Variants in ATG7 observed in about 807,000 individuals in gnomAD.
The protein encoded by ATG7 is ubiquitin-like modifier-activating enzyme ATG7.
ATG7 carries 70 observed loss-of-function variants against 82.4 expected under a neutral mutation model. That is an observed-to-expected ratio of 0.85 (90% CI 0.70 to 1.04). The LOEUF (loss-of-function observed/expected upper bound fraction) is 1.04, where lower values mean the gene tolerates loss of function less well. ATG7 is among the 50% of genes least tolerant of loss of function. ATG7 has a pLI of 0.00. For synonymous variants in ATG7, 287 were observed against 313.0 expected (o/e 0.92, Z 0.88); for missense variants, 792 against 864.3 (o/e 0.92, Z 1.05).
intron 20 of ATG7, among the ~76,000 whole-genome samples, chr3:11,497,997 C>A (rs764671537): frequency 1.8e-4 from 27 of 152,040 alleles, no homozygotes; most frequent in Non-Finnish European, 2.6e-4. Context: ...TTTAATATTT[C>A]TTTGCATCAC....
At chr3:11,467,920 TC>T (rs2087003428) in intron 20 of ATG7, among the ~76,000 whole-genome samples, 1 of 152,216 alleles carries the variant, frequency 6.6e-6, no homozygotes, top group Admixed American at 6.5e-5. Context: ...TAGAAAGAAT[TC>T]CTCCCCCAGT....
chr3:11,546,344 G>T lies in ATG7; in HGVS notation c.2080-8467G>T, dbSNP rs530765378. ...ATGCCACCATGCCCAGCTAAGTTTTGTATTTTTAGTAGAGAGGGGGTTTTG... is the reference window on the plus strand; with the variant it reads ...ATGCCACCATGCCCAGCTAAGTTTTTTATTTTTAGTAGAGAGGGGGTTTTG... On this transcript the variant is annotated intron_variant, in intron 20 of 20. Transcript: ENST00000693202. 3.9e-5 allele frequency among the ~76,000 whole-genome samples: 6 copies of T among 152,004 alleles called. No homozygotes were observed. The South Asian group carries it at 1.2e-3, about 32-fold the overall frequency.
intron 20 of ATG7, among the ~76,000 whole-genome samples, chr3:11,460,816 C>T (rs1009083909): frequency 1.3e-5 from 2 of 152,150 alleles, no homozygotes; most frequent in African/African-American, 2.4e-5. Flanking sequence ...CTGTCTATGC[C>T]TGGTAAGGGC....
At chr3:11,567,503 AG>A in the ATG7 span, among the ~76,000 whole-genome samples, 1 of 152,246 alleles carries the variant, frequency 6.6e-6, no homozygotes, top group African/African-American at 2.4e-5. Flanking sequence ...TCTAGATAGT[AG>A]GTTCCATCCA....
At chr3:11,524,068 G>C (rs1332596629) in intron 20 of ATG7, among the ~76,000 whole-genome samples, 1 of 152,226 alleles carries the variant, frequency 6.6e-6, no homozygotes, top group East Asian at 1.9e-4. Flanking sequence ...GGCCAAAACA[G>C]ACAAAACAAT....
At chr3:11,359,369 A>G (rs905372818) in intron 15 of ATG7, among the ~76,000 whole-genome samples, 1 of 152,186 alleles carries the variant, frequency 6.6e-6, no homozygotes, top group Non-Finnish European at 1.5e-5. Flanking sequence ...GTTAAATTAG[A>G]ACTATGAAAA....
At chr3:11,383,277 C>G (rs1031146212) in intron 19 of ATG7, among the ~76,000 whole-genome samples, 2 of 152,066 alleles carry the variant, frequency 1.3e-5, no homozygotes, top group Admixed American at 6.6e-5. Context: ...TCTTTCTTAA[C>G]TTCAGTGTTT....
chr3:11,466,678 C>G (rs1006299169), intron 20 of ATG7, among the ~76,000 whole-genome samples: 3 of 152,220 alleles, frequency 2.0e-5, no homozygotes, highest in Non-Finnish European at 4.4e-5. Flanking sequence ...AAGCAGTTCT[C>G]AGAGGGTTGT....
intron 20 of ATG7, among the ~76,000 whole-genome samples, chr3:11,442,763 A>AAAAT (rs2084121110): frequency 6.8e-6 from 1 of 147,636 alleles, no homozygotes; most frequent in Non-Finnish European, 1.5e-5. Flanking sequence ...AAAAAAAAAA[A>AAAAT]AAAAAAAATT....
At chr3:11,415,243 A>C (rs534854206) in intron 19 of ATG7, among the ~76,000 whole-genome samples, 1 of 152,358 alleles carries the variant, frequency 6.6e-6, no homozygotes, top group South Asian at 2.1e-4. Context: ...CCTGTGCAGA[A>C]TACTTACCAT....
At chr3:11,319,221 T>C (rs1385269575) in intron 9 of ATG7, among the ~76,000 whole-genome samples, 1 of 152,264 alleles carries the variant, frequency 6.6e-6, no homozygotes, top group East Asian at 1.9e-4. Flanking sequence ...TTCTTGCTTT[T>C]ATTGCATTAA....
At chr3:11,460,884 T>G (rs1181824966) in intron 20 of ATG7, among the ~76,000 whole-genome samples, 1 of 152,180 alleles carries the variant, frequency 6.6e-6, no homozygotes, top group Non-Finnish European at 1.5e-5. Flanking sequence ...ATTCCATCCA[T>G]GTGTATGGAG....
chr3:11,309,614 GAGGGAAAAGT>G (rs1240782300), intron 7 of ATG7, among the ~76,000 whole-genome samples: 6 of 152,264 alleles, frequency 3.9e-5, no homozygotes, highest in African/African-American at 1.4e-4. Flanking sequence ...TGGCCTTGGT[GAGGGAAAAGT>G]AGGGAAAAGG....
At chr3:11,313,507 T>G in intron 8 of ATG7, 87 bp downstream of exon 8, 1 of 907,360 alleles carries the variant, frequency 1.1e-6, no homozygotes, top group Non-Finnish European at 1.7e-6. Flanking sequence ...AAACAGGCAC[T>G]TCTCTGGATG....
In ATG7 at chr3:11,466,278, A is replaced by G. The variant is rs1196140826; in HGVS notation, c.2079+39352A>G. 3.9e-5 allele frequency among the ~76,000 whole-genome samples: 6 copies of G among 152,264 alleles called. 1 individual carries two copies. Among genetic ancestry groups the G allele is most frequent in the Admixed American group, 3.9e-4 (6 of 15,286 alleles). ...TTGCTTTTTGAATTCTGAATGAGAC[A>G]TAAATATGTTTTTCCCCTCTTAATT... On this transcript the variant is annotated intron_variant, in intron 20 of 20. Coordinates refer to ENST00000693202, the MANE Select transcript of ATG7 (RefSeq NM_001349232.2).
chr3:11,312,764 A>G (rs1192303080), intron 7 of ATG7, among the ~76,000 whole-genome samples: 1 of 152,202 alleles, frequency 6.6e-6, no homozygotes, highest in Non-Finnish European at 1.5e-5. Context: ...AATAACATGT[A>G]ATTTATTTGA....
intron 1 of ATG7, among the ~76,000 whole-genome samples, chr3:11,278,601 TA>T (rs1264204498): frequency 6.6e-6 from 1 of 152,180 alleles, no homozygotes; most frequent in Non-Finnish European, 1.5e-5. Flanking sequence ...CAATGACGAA[TA>T]GGGGAAAATG....
intron 14 of ATG7, among the ~76,000 whole-genome samples, chr3:11,354,182 C>T (rs1174972117): frequency 3.9e-5 from 6 of 152,234 alleles, no homozygotes; most frequent in African/African-American, 1.4e-4. Flanking sequence ...TCTTCTACTC[C>T]AGGACATAGG....
At chr3:11,432,312 C>T (rs981939318) in intron 20 of ATG7, among the ~76,000 whole-genome samples, 2 of 152,046 alleles carry the variant, frequency 1.3e-5, no homozygotes, top group African/African-American at 4.8e-5. Flanking sequence ...AGAGGCTAGA[C>T]AGCTAGGATG....
Sources: gnomAD v4.1 joint callset for allele counts (sites outside exome capture counted in the v4.1 genomes callset) on GRCh38, gnomAD v4.1.1 for gene constraint, MANE v1.5 for transcripts, NCBI Gene and HGNC (gene_info 2026-07-23, HGNC 2026-07-21) for gene names.